Variants in C3orf49 observed in about 807,000 individuals in gnomAD.
C3orf49 encodes putative uncharacterized protein C3orf49.
A neutral mutation model predicts 13.3 loss-of-function variants in C3orf49; 27 were observed. The observed-to-expected ratio is 2.02, with a 90% CI of 1.49 to 2.79. The LOEUF is 2.79. Among genes scored for constraint, C3orf49 ranks in the 30% most tolerant of loss-of-function variants. The pLI is 0.00. For missense variants in C3orf49, 242 were observed against 134.2 expected (o/e 1.80, Z -3.97); for synonymous variants, 87 against 47.6 (o/e 1.83, Z -3.40).
At chr3:63,841,015 T>C (rs967044300) in intron 5 of C3orf49, among the ~76,000 whole-genome samples, 6 of 152,340 alleles carry the variant, frequency 3.9e-5, no homozygotes, top group Middle Eastern at 3.4e-3. Context: ...AGTAGAAAGA[T>C]TGCAAACCTA....
intron 5 of C3orf49, chr3:63,839,881 A>T: frequency 2.3e-6 from 2 of 867,634 alleles, no homozygotes; most frequent in South Asian, 1.6e-5. Context: ...ATTGAAATGT[A>T]AATGCATTTA....
chr3:63,812,307 A>T, the C3orf49 span, among the ~76,000 whole-genome samples: 3 of 152,182 alleles, frequency 2.0e-5, no homozygotes, highest in Non-Finnish European at 2.9e-5. Flanking sequence ...AATCACAAAA[A>T]AATCTCATAA....
chr3:63,806,917 A>G, the C3orf49 span, among the ~76,000 whole-genome samples: 1 of 152,084 alleles, frequency 6.6e-6, no homozygotes, highest in Non-Finnish European at 1.5e-5. Context: ...ACTGCAAAAA[A>G]TGTGTTTATT....
At chr3:63,786,982 C>T in the C3orf49 span, 3 of 152,184 alleles carry the variant, frequency 2.0e-5, no homozygotes, top group African/African-American at 7.2e-5. Context: ...GAATTAATAT[C>T]AAGAGTTCAT....
the C3orf49 span, among the ~76,000 whole-genome samples, chr3:63,790,423 C>A: frequency 2.0e-5 from 3 of 152,220 alleles, no homozygotes; most frequent in African/African-American, 7.2e-5. Context: ...CGATTTTCAA[C>A]CTTGGCTATA....
chr3:63,788,204 G>A, the C3orf49 span, among the ~76,000 whole-genome samples: 1 of 152,076 alleles, frequency 6.6e-6, no homozygotes, highest in African/African-American at 2.4e-5. Flanking sequence ...TTTAACCCTT[G>A]AGATAATGCT....
chr3:63,812,796 G>A, the C3orf49 span, among the ~76,000 whole-genome samples: 12,416 of 152,076 alleles, frequency 0.082, 1,206 homozygotes, highest in African/African-American at 0.23. Context: ...ATTTTTTAGC[G>A]TAAATGTAAT....
At chr3:63,826,450 G>A (rs543302426) in intron 2 of C3orf49, among the ~76,000 whole-genome samples, 2 of 152,232 alleles carry the variant, frequency 1.3e-5, no homozygotes, top group African/African-American at 4.8e-5. Flanking sequence ...TGAAGGGTTG[G>A]GGAGAGGGAA....
At chr3:63,847,608 G>A (rs940919280) in intron 6 of C3orf49, among the ~76,000 whole-genome samples, 3 of 152,086 alleles carry the variant, frequency 2.0e-5, no homozygotes, top group Admixed American at 1.3e-4. Flanking sequence ...GTGGGGTTGC[G>A]TGCCTGTAAT....
chr3:63,836,868 A>C (rs1210360644), intron 5 of C3orf49, among the ~76,000 whole-genome samples: 1 of 151,946 alleles, frequency 6.6e-6, no homozygotes, highest in Non-Finnish European at 1.5e-5. Flanking sequence ...CCTCCAAGAT[A>C]AGTCATGTAA....
At chr3:63,827,501 C>A in intron 2 of C3orf49, 100 bp from the exon 3 acceptor site, 1 of 570,842 alleles carries the variant, frequency 1.8e-6, no homozygotes, top group Non-Finnish European at 3.1e-6. Flanking sequence ...GCCACTGAAG[C>A]AGCAAGTGAT....
chr3:63,842,275 C>T (rs1184893644), intron 5 of C3orf49, among the ~76,000 whole-genome samples: 17 of 152,004 alleles, frequency 1.1e-4, no homozygotes, highest in Non-Finnish European at 1.5e-5. Context: ...CTAGCTCACC[C>T]CACTGAGAGA....
the C3orf49 span, among the ~76,000 whole-genome samples, chr3:63,803,547 T>G: frequency 6.6e-6 from 1 of 152,148 alleles, no homozygotes. Context: ...CTCAAGGACT[T>G]TATTACTCCG....
At chr3:63,835,276 A>G in intron 5 of C3orf49, 1 of 1,612,516 alleles carries the variant, frequency 6.2e-7, no homozygotes, top group Non-Finnish European at 8.5e-7. Flanking sequence ...ATAGATATAT[A>G]GACAGACAGA....
chr3:63,797,437 A>G, the C3orf49 span, among the ~76,000 whole-genome samples: 5 of 152,098 alleles, frequency 3.3e-5, no homozygotes, highest in Admixed American at 6.6e-5. Context: ...CCAGAGACAC[A>G]AGGTGTTCTT....
At chr3:63,839,772 G>A (rs770808914) in intron 5 of C3orf49, 7 of 1,612,848 alleles carry the variant, frequency 4.3e-6, no homozygotes, top group South Asian at 1.1e-5. Context: ...GTATAACTTC[G>A]TCTGCAGGAA....
Position 63,823,412 on chromosome 3 carries a change from C to A in C3orf49, c.288C>A (p.Tyr96Ter). The change falls in exon 2 of 7, where the codon TAC (tyrosine) becomes TAA (stop). Residue 96 changes from tyrosine (Y) to a stop codon, truncating the protein, a stop_gained. Transcript: ENST00000295896. LOFTEE classifies it high-confidence loss of function. ...VKTAFGRMLS[Y>*]KYRSKPACAS... ...CTGCTTTTGGGAGGATGCTGTCCTA[C>A]AAGTATAGAAGCAAGCCAGCATGTG... 1 of 703,216 alleles carries A rather than the reference C, an allele frequency of 1.4e-6. No homozygotes were observed. Among genetic ancestry groups the A allele is most frequent in the Non-Finnish European group, 2.6e-6 (1 of 385,066 alleles). The allele number at this position is 703,216 out of a possible 1,614,324, so 43.6% of individuals were successfully genotyped here.
chr3:63,843,783 C>G (rs763558326), intron 5 of C3orf49, among the ~76,000 whole-genome samples: 7 of 152,026 alleles, frequency 4.6e-5, no homozygotes, highest in Non-Finnish European at 1.0e-4. Flanking sequence ...TGCCTGTAGT[C>G]CCAGCTACTC....
intron 5 of C3orf49, among the ~76,000 whole-genome samples, chr3:63,837,379 A>G (rs1701657748): frequency 1.3e-5 from 2 of 152,008 alleles, no homozygotes; most frequent in Non-Finnish European, 2.9e-5. Context: ...TTATAAGAAG[A>G]GCAGTGCCTC....
Sources: allele counts gnomAD v4.1 joint callset (sites outside exome capture counted in the v4.1 genomes callset), GRCh38; gene constraint gnomAD v4.1.1; transcripts MANE v1.5; gene names NCBI Gene and HGNC (gene_info 2026-07-23, HGNC 2026-07-21).